TOX: variants seen among roughly 807,000 people sequenced by gnomAD.
TOX encodes the protein thymocyte selection associated high mobility group box.
TOX carries 11 observed loss-of-function variants against 53.7 expected under a neutral mutation model. That is an observed-to-expected ratio of 0.20 (90% CI 0.13 to 0.34). The LOEUF (loss-of-function observed/expected upper bound fraction) is 0.34. Ranked by LOEUF, TOX falls within the 10% of genes least tolerant of loss-of-function variation. The pLI is 1.00. For missense variants in TOX, 570 were observed against 664.6 expected (o/e 0.86, Z 1.56); for synonymous variants, 225 against 245.3 (o/e 0.92, Z 0.77).
chr8:58,932,594 T>A (rs1812274499), intron 3 of TOX, among the ~76,000 whole-genome samples: 1 of 152,200 alleles, frequency 6.6e-6, no homozygotes, highest in South Asian at 2.1e-4. Flanking sequence ...TGGAAAATAT[T>A]TATTTTAAAA....
At chr8:59,097,020 A>C (rs1395472952) in intron 1 of TOX, among the ~76,000 whole-genome samples, 2 of 152,146 alleles carry the variant, frequency 1.3e-5, no homozygotes, top group African/African-American at 2.4e-5. Context: ...ATTTTACTGG[A>C]GCCAACTATA....
At chr8:58,919,218 A>G (rs1260516329) in intron 3 of TOX, among the ~76,000 whole-genome samples, 3 of 144,648 alleles carry the variant, frequency 2.1e-5, no homozygotes, top group Non-Finnish European at 4.5e-5. Context: ...TAAAGTTCAT[A>G]TGGAACCAAA....
At position 59,117,053 on chromosome 8, in the gene TOX, C is replaced by T. The variant is rs373339223; in HGVS notation, c.102+1833G>A. ...CGAGGAGTGAAATGTGTATCCAAGT[C>T]ATTAACTTCTTTTTGGGGCCTAAAA... is the stretch of plus-strand genomic sequence containing the variant. On this transcript the variant is annotated intron_variant, in intron 1 of 8. Coordinates refer to ENST00000361421, the MANE Select transcript of TOX (RefSeq NM_014729.3). The surrounding 1 kb of genome is among the most constrained non-coding windows in gnomAD (Gnocchi z 4.6). Among the ~76,000 whole-genome samples the T allele has an allele frequency of 4.6e-5, 7 of 152,176 alleles. No homozygotes were observed. In the South Asian group the frequency reaches 1.2e-3, roughly 27 times the overall value.
intron 1 of TOX, among the ~76,000 whole-genome samples, chr8:59,045,866 T>A (rs1803672755): frequency 6.6e-6 from 1 of 152,214 alleles, no homozygotes; most frequent in East Asian, 1.9e-4. Flanking sequence ...CCAAAATATT[T>A]GAAGAGCTTC....
intron 4 of TOX, among the ~76,000 whole-genome samples, chr8:58,839,765 A>G (rs1244445883): frequency 6.6e-6 from 1 of 152,188 alleles, no homozygotes; most frequent in Non-Finnish European, 1.5e-5. Flanking sequence ...ATATAATGTA[A>G]TATGTATCTT....
chr8:58,840,937 C>G (rs1810632603), intron 4 of TOX, among the ~76,000 whole-genome samples: 1 of 152,182 alleles, frequency 6.6e-6, no homozygotes, highest in African/African-American at 2.4e-5. Flanking sequence ...TTACTCCTAC[C>G]TCACTGGCCC....
chr8:59,068,928 T>G (rs531196137), intron 1 of TOX, among the ~76,000 whole-genome samples: 1 of 152,290 alleles, frequency 6.6e-6, no homozygotes, highest in South Asian at 2.1e-4. Context: ...GAGAAGAGTT[T>G]GCAAGAGTCA....
chr8:58,994,440 ATT>A (rs1404102022), intron 1 of TOX, among the ~76,000 whole-genome samples: 3 of 135,696 alleles, frequency 2.2e-5, no homozygotes, highest in African/African-American at 8.1e-5. Context: ...ATGTGTGTGT[ATT>A]TTTTTTTTTT....
At position 58,826,932 on chromosome 8, in the gene TOX, G is replaced by C. The variant is rs764221674; in HGVS notation, c.925-30C>G. On this transcript the variant is annotated intron_variant, in intron 5 of 8. Transcript: ENST00000361421. Reference sequence around the variant, plus strand: ...AACAACAGCAAAGAGTCTTAAATTAGAAAGTGCATTTGCTTTTGTTTTCAG... The same window carrying C: ...AACAACAGCAAAGAGTCTTAAATTACAAAGTGCATTTGCTTTTGTTTTCAG... The C allele has an allele frequency of 1.9e-6, 3 of 1,596,658 alleles. No individual in the cohort carries two copies. The African/African-American group carries it at 4.0e-5, about 22-fold the overall frequency.
At chr8:58,866,033 C>T (rs1431373813) in intron 3 of TOX, among the ~76,000 whole-genome samples, 1 of 152,024 alleles carries the variant, frequency 6.6e-6, no homozygotes, top group African/African-American at 2.4e-5. Flanking sequence ...CAGGGTTTTA[C>T]CATGTTGCCC....
intron 1 of TOX, among the ~76,000 whole-genome samples, chr8:58,998,739 A>G (rs1813632875): frequency 6.6e-6 from 1 of 151,376 alleles, no homozygotes; most frequent in African/African-American, 2.4e-5. Flanking sequence ...GAAACAAAAG[A>G]TAAATATTCA....
intron 1 of TOX, among the ~76,000 whole-genome samples, chr8:59,053,429 C>T (rs916464351): frequency 8.5e-5 from 13 of 152,300 alleles, no homozygotes; most frequent in South Asian, 6.2e-4. Flanking sequence ...GCAGGTTTGT[C>T]TCGAAAATAT....
rs191806462 is a variant in TOX, at chr8:58,810,093, C to T, written c.1393-1824G>A. Among the ~76,000 whole-genome samples, 17 of 152,158 alleles carry T rather than the reference C, an allele frequency of 1.1e-4. No individual in the cohort carries two copies. The East Asian group carries it at 3.1e-3, about 28-fold the overall frequency. The stretch of plus-strand genomic sequence containing the variant: ...CTCAAACTCCTAGACTAATGCAACC[C>T]TTATGCCTTGGCCTTCCAGGTAGCT... On this transcript the variant is annotated intron_variant, in intron 7 of 8. Transcript: ENST00000361421.
In TOX at chr8:59,028,847, T is replaced by C. The variant is rs1814295062; in HGVS notation, c.103-68839A>G. ...TGATCTACCTAAGTTTGTAAACAGG[T>C]AATTTTAGAAACATTATGGTAGCTG... On this transcript the variant is annotated intron_variant, in intron 1 of 8. Coordinates refer to ENST00000361421, the MANE Select transcript of TOX (RefSeq NM_014729.3). Among the ~76,000 whole-genome samples, 3 of 152,190 alleles carry C rather than the reference T, an allele frequency of 2.0e-5. No homozygotes were observed. The South Asian group carries it at 6.2e-4, about 32-fold the overall frequency.
chr8:59,102,756 T>C (rs139892086), intron 1 of TOX, among the ~76,000 whole-genome samples: 2 of 152,066 alleles, frequency 1.3e-5, no homozygotes, highest in Non-Finnish European at 2.9e-5. Context: ...GTATCAATCA[T>C]CTTACAAATT....
At chr8:59,083,773 A>G (rs1804457170) in intron 1 of TOX, among the ~76,000 whole-genome samples, 1 of 151,946 alleles carries the variant, frequency 6.6e-6, no homozygotes, top group South Asian at 2.1e-4. Context: ...ACGATAACTC[A>G]CTCTTTTAGG....
chr8:58,936,001 G>A (rs7002880), intron 3 of TOX, among the ~76,000 whole-genome samples: 2,002 of 152,252 alleles, frequency 0.013, 58 homozygotes, highest in African/African-American at 0.046. Context: ...GATAACGGGC[G>A]CCAGCGGCTT....
chr8:58,863,189 T>C (rs1408185036), intron 3 of TOX, among the ~76,000 whole-genome samples: 1 of 152,160 alleles, frequency 6.6e-6, no homozygotes, highest in Non-Finnish European at 1.5e-5. Flanking sequence ...AATATATCTT[T>C]CACATTTTCA....
chr8:58,849,233 T>C (rs1395129997), intron 4 of TOX, among the ~76,000 whole-genome samples: 1 of 152,140 alleles, frequency 6.6e-6, no homozygotes, highest in Non-Finnish European at 1.5e-5. Context: ...TTTCTTGAGA[T>C]GGAAAATACA....
Sources: allele counts gnomAD v4.1 joint callset (sites outside exome capture counted in the v4.1 genomes callset), GRCh38; gene constraint gnomAD v4.1.1; non-coding constraint Gnocchi (gnomAD v3.1); transcripts MANE v1.5; gene names NCBI Gene and HGNC (gene_info 2026-07-23, HGNC 2026-07-21).